PDE4D: variants seen among roughly 807,000 people sequenced by gnomAD.
PDE4D encodes phosphodiesterase 4D.
Under a neutral mutation model 87.4 loss-of-function variants are expected in PDE4D, and 24 were observed. That is an observed-to-expected ratio of 0.27 (90% CI 0.20 to 0.39). The LOEUF (loss-of-function observed/expected upper bound fraction) is 0.39, where lower values mean the gene tolerates loss of function less well. Among genes scored for constraint, PDE4D ranks in the 10% least tolerant of loss-of-function variants. The pLI, the probability that PDE4D is intolerant of heterozygous loss-of-function variation, is 1.00. For missense variants in PDE4D, 714 were observed against 1,041.0 expected, an observed-to-expected ratio of 0.69 and a Z score of 4.32; for synonymous variants, 384 against 383.2, an observed-to-expected ratio of 1.00 and a Z score of -0.02.
chr5:60,357,078 C>A (rs1759681671), intron 1 of PDE4D, among the ~76,000 whole-genome samples: 1 of 151,868 alleles, frequency 6.6e-6, no homozygotes, highest in African/African-American at 2.4e-5. Flanking sequence ...GAAAGAAAAG[C>A]ATTTCAATCC....
chr5:60,114,853 T>C (rs1376112561), intron 2 of PDE4D, among the ~76,000 whole-genome samples: 1 of 151,734 alleles, frequency 6.6e-6, no homozygotes, highest in African/African-American at 2.4e-5. Flanking sequence ...TGTGTATAAA[T>C]ACATATAACT....
At chr5:59,469,889 A>T (rs1315691023) in intron 1 of PDE4D, among the ~76,000 whole-genome samples, 1 of 152,116 alleles carries the variant, frequency 6.6e-6, no homozygotes, top group East Asian at 1.9e-4. Flanking sequence ...ATTGCACCAC[A>T]ATCATCTGGG....
intron 1 of PDE4D, among the ~76,000 whole-genome samples, chr5:59,458,944 TAC>T (rs1800325228): frequency 6.6e-6 from 1 of 152,206 alleles, no homozygotes; most frequent in East Asian, 1.9e-4. Flanking sequence ...AAAAATTAAC[TAC>T]GAAGTTGTTT....
intron 5 of PDE4D, among the ~76,000 whole-genome samples, chr5:59,094,308 G>A (rs575118797): frequency 6.7e-6 from 1 of 148,438 alleles, no homozygotes; most frequent in South Asian, 2.1e-4. Flanking sequence ...TTAATAGTAA[G>A]GTTGGAAAAT....
At chr5:59,355,319 C>T (rs758357293) in intron 1 of PDE4D, among the ~76,000 whole-genome samples, 20 of 152,136 alleles carry the variant, frequency 1.3e-4, no homozygotes, top group Non-Finnish European at 2.4e-4. Flanking sequence ...CTCTGCATTT[C>T]GTGAGATTTC....
chr5:59,994,308 T>C (rs190279472), intron 2 of PDE4D, among the ~76,000 whole-genome samples: 1 of 151,698 alleles, frequency 6.6e-6, no homozygotes, highest in Non-Finnish European at 1.5e-5. Context: ...TGTGTGTGTA[T>C]ATATACATAT....
At chr5:59,510,018 T>C (rs1810010990) in intron 1 of PDE4D, among the ~76,000 whole-genome samples, 1 of 149,754 alleles carries the variant, frequency 6.7e-6, no homozygotes, top group Non-Finnish European at 1.5e-5. Context: ...GTTTCAACAA[T>C]GTCAAAGAAT....
chr5:59,473,529 TTC>T (rs200961691), intron 1 of PDE4D, among the ~76,000 whole-genome samples: 2,332 of 152,188 alleles, frequency 0.015, 73 homozygotes, highest in African/African-American at 0.054. Context: ...TGATCAATAA[TTC>T]TTTTATTTTT....
chr5:59,395,044 C>A (rs1384748675), intron 1 of PDE4D, among the ~76,000 whole-genome samples: 1 of 152,172 alleles, frequency 6.6e-6, no homozygotes, highest in Non-Finnish European at 1.5e-5. Context: ...AACAGCACAC[C>A]ACGAGATTAT....
intron 1 of PDE4D, among the ~76,000 whole-genome samples, chr5:59,293,428 A>G (rs1468262778): frequency 6.6e-6 from 1 of 152,156 alleles, no homozygotes; most frequent in Admixed American, 6.6e-5. Context: ...GAACAGGGTT[A>G]GGTTCTTATT....
chr5:59,965,082 A>G (rs1483965134), intron 3 of PDE4D, among the ~76,000 whole-genome samples: 2 of 152,060 alleles, frequency 1.3e-5, no homozygotes, highest in Non-Finnish European at 2.9e-5. Context: ...ACGTTCTCTT[A>G]TTTTACTATG....
intron 1 of PDE4D, among the ~76,000 whole-genome samples, chr5:59,260,937 CAA>C (rs3061504): frequency 0.064 from 8,868 of 138,408 alleles, 304 homozygotes; most frequent in Middle Eastern, 0.13. Flanking sequence ...CAATATACAC[CAA>C]AAAAAAAAAA....
intron 1 of PDE4D, among the ~76,000 whole-genome samples, chr5:59,464,969 G>C (rs1801358349): frequency 6.6e-6 from 1 of 152,186 alleles, no homozygotes; most frequent in African/African-American, 2.4e-5. Flanking sequence ...CTGGTTAGCA[G>C]GATATTTCGA....
intron 1 of PDE4D, among the ~76,000 whole-genome samples, chr5:59,621,049 A>T (rs1451863791): frequency 6.6e-6 from 1 of 152,062 alleles, no homozygotes; most frequent in East Asian, 1.9e-4. Context: ...AGTATAAATA[A>T]ATCCCCACTT....
At chr5:60,005,805 A>T (rs1022725217) in intron 2 of PDE4D, among the ~76,000 whole-genome samples, 12 of 139,726 alleles carry the variant, frequency 8.6e-5, no homozygotes, top group African/African-American at 3.2e-4. Context: ...CCTATGAGAA[A>T]CTCTGTAAGA....
At chr5:59,320,584 G>A (rs571506366) in intron 1 of PDE4D, among the ~76,000 whole-genome samples, 85 of 152,142 alleles carry the variant, frequency 5.6e-4, no homozygotes, top group African/African-American at 2.0e-3. Context: ...GCAGCAACTT[G>A]TAAAAACTTT....
intron 1 of PDE4D, among the ~76,000 whole-genome samples, chr5:60,227,366 C>G (rs1745237636): frequency 6.6e-6 from 1 of 151,978 alleles, no homozygotes; most frequent in Admixed American, 6.6e-5. Context: ...AGAAATATTT[C>G]ATACGATTCC....
At chr5:59,226,736 C>G (rs771148568) in intron 1 of PDE4D, among the ~76,000 whole-genome samples, 7 of 152,006 alleles carry the variant, frequency 4.6e-5, no homozygotes, top group Non-Finnish European at 1.0e-4. Flanking sequence ...TGAGGCAAAG[C>G]CTGCAGTAGC....
intron 1 of PDE4D, among the ~76,000 whole-genome samples, chr5:60,462,751 C>G (rs1747054629): frequency 6.6e-6 from 1 of 152,218 alleles, no homozygotes. Context: ...TTCACTACCA[C>G]TGAGCCCAGA....
Sources: gnomAD v4.1 joint callset for allele counts (sites outside exome capture counted in the v4.1 genomes callset) on GRCh38, gnomAD v4.1.1 for gene constraint, MANE v1.5 for transcripts, NCBI Gene and HGNC (gene_info 2026-07-23, HGNC 2026-07-21) for gene names.